KCNN2: variants seen among roughly 807,000 people sequenced by gnomAD.
KCNN2 encodes potassium calcium-activated channel subfamily N member 2, also known as small conductance calcium-activated potassium channel protein 2.
In KCNN2, 24 loss-of-function variants were observed where a neutral mutation model predicts 55.5. The observed-to-expected ratio is 0.43, with a 90% CI of 0.31 to 0.61. The LOEUF is 0.61. KCNN2 is among the 20% of genes least tolerant of loss of function. KCNN2 has a pLI of 0.08. For missense variants in KCNN2, 754 were observed against 853.6 expected (o/e 0.88, Z 1.45); for synonymous variants, 431 against 336.1 (o/e 1.28, Z -3.09).
upstream of KCNN2, among the ~76,000 whole-genome samples, chr5:114,357,500 C>T (rs2150042415): frequency 8.0e-6 from 1 of 124,750 alleles, no homozygotes; most frequent in East Asian, 2.5e-4. Context: ...CTTCCTGTGT[C>T]CATGTGATCT....
rs973746037 is a variant in KCNN2, at chr5:114,463,293, T to G, written c.1779+103T>G. On this transcript the variant is annotated intron_variant, in intron 4 of 7. Coordinates refer to ENST00000673685, the MANE Select transcript of KCNN2 (RefSeq NM_021614.4). ...TAATTGTGAGCTACTTCTTTTCCCA[T>G]CAGCAGGAAATCAGTATAAATAAAT... The G allele has an allele frequency of 1.8e-5, 16 of 866,708 alleles. No individual in the cohort carries two copies. The African/African-American group carries it at 2.8e-4, about 15-fold the overall frequency. The allele number at this position is 866,708 out of a possible 1,614,324, so 53.7% of individuals were successfully genotyped here.
intron 2 of KCNN2, among the ~76,000 whole-genome samples, chr5:114,340,885 G>A (rs1757003882): frequency 6.6e-6 from 1 of 152,134 alleles, no homozygotes; most frequent in South Asian, 2.1e-4. Context: ...CTACTCTTCT[G>A]TTTATGAGTT....
intron 1 of KCNN2, among the ~76,000 whole-genome samples, chr5:114,074,463 A>G (rs946732784): frequency 6.6e-6 from 1 of 152,244 alleles, no homozygotes; most frequent in African/African-American, 2.4e-5. Flanking sequence ...CAGGCAAAGT[A>G]GAGGAAAACA....
chr5:114,180,860 A>T (rs1174511165), intron 1 of KCNN2, among the ~76,000 whole-genome samples: 1 of 152,132 alleles, frequency 6.6e-6, no homozygotes, highest in Non-Finnish European at 1.5e-5. Flanking sequence ...CTGTTCTAGA[A>T]CTTCATATCA....
At chr5:114,352,139 T>C (rs1273580585) in intron 2 of KCNN2, among the ~76,000 whole-genome samples, 1 of 151,820 alleles carries the variant, frequency 6.6e-6, no homozygotes, top group Non-Finnish European at 1.5e-5. Context: ...TTCTACTTAA[T>C]CACGGTCAGT....
intron 2 of KCNN2, among the ~76,000 whole-genome samples, chr5:114,329,230 A>C (rs1756763632): frequency 6.6e-6 from 1 of 152,188 alleles, no homozygotes; most frequent in South Asian, 2.1e-4. Context: ...CGTGATGGTT[A>C]ATATTGAGTG....
intron 1 of KCNN2, among the ~76,000 whole-genome samples, chr5:114,115,790 A>G (rs58924511): frequency 0.23 from 35,161 of 151,918 alleles, 4,139 homozygotes; most frequent in East Asian, 0.34. Context: ...GGTGTTTGAT[A>G]CTAGATTTGC....
intron 2 of KCNN2, among the ~76,000 whole-genome samples, chr5:114,292,631 T>C (rs377059587): frequency 2.6e-5 from 4 of 152,108 alleles, no homozygotes; most frequent in African/African-American, 9.7e-5. Flanking sequence ...AGCGTGATGC[T>C]TCCAGCTTTG....
chr5:114,459,287 G>T (rs1330826281), intron 3 of KCNN2, among the ~76,000 whole-genome samples: 3 of 152,152 alleles, frequency 2.0e-5, no homozygotes, highest in African/African-American at 7.2e-5. Flanking sequence ...CTTATTGAAT[G>T]TGTTTTTATT....
chr5:114,140,529 T>C (rs899262737), intron 1 of KCNN2, among the ~76,000 whole-genome samples: 1 of 152,130 alleles, frequency 6.6e-6, no homozygotes, highest in Non-Finnish European at 1.5e-5. Flanking sequence ...GCACTTAGCA[T>C]TTTACCACCT....
chr5:114,259,435 C>T (rs552355295), intron 2 of KCNN2, among the ~76,000 whole-genome samples: 1 of 152,264 alleles, frequency 6.6e-6, no homozygotes, highest in African/African-American at 2.4e-5. Flanking sequence ...GTAGGGTGCC[C>T]TGCCACTGCC....
intron 5 of KCNN2, among the ~76,000 whole-genome samples, chr5:114,484,565 A>G (rs954486787): frequency 6.6e-6 from 1 of 152,164 alleles, no homozygotes; most frequent in Admixed American, 6.6e-5. Context: ...TCAAATGTGG[A>G]AAACAATGAG....
intron 2 of KCNN2, among the ~76,000 whole-genome samples, chr5:114,372,315 G>A (rs1039541697): frequency 2.0e-5 from 3 of 152,128 alleles, no homozygotes; most frequent in African/African-American, 4.8e-5. Context: ...TTTAGAAGTA[G>A]GCCCTTTTTG....
rs75576421 is a variant in KCNN2, at chr5:114,183,200, A to G, written c.-270-38280A>G. 8.4e-4 allele frequency among the ~76,000 whole-genome samples: 128 copies of G among 152,216 alleles called. 2 individuals carry two copies. The East Asian group carries it at 0.022, about 27-fold the overall frequency. On this transcript the variant is annotated intron_variant, in intron 1 of 10. Coordinates refer to the KCNN2 transcript ENST00000512097. ...TGATTTATTTTTAAGTGTTACATCCATCTGGCATTTCTGGAATAAACCTCA... is the reference window on the plus strand; with the variant it reads ...TGATTTATTTTTAAGTGTTACATCCGTCTGGCATTTCTGGAATAAACCTCA...
intron 2 of KCNN2, among the ~76,000 whole-genome samples, chr5:114,224,308 A>G (rs1425883449): frequency 2.0e-5 from 3 of 152,212 alleles, no homozygotes; most frequent in Non-Finnish European, 4.4e-5. Context: ...TATGTTCAAT[A>G]CTTTTGGTTT....
chr5:114,148,861 A>C (rs1752458449), intron 1 of KCNN2, among the ~76,000 whole-genome samples: 1 of 152,052 alleles, frequency 6.6e-6, no homozygotes, highest in Non-Finnish European at 1.5e-5. Flanking sequence ...TACTCGAGGT[A>C]CAGGGAGCGG....
chr5:114,201,187 G>A (rs6594798), intron 1 of KCNN2, among the ~76,000 whole-genome samples: 31,002 of 151,936 alleles, frequency 0.2, 3,599 homozygotes, highest in South Asian at 0.31. Flanking sequence ...CTAATCCTAA[G>A]TCCCACAGCT....
intron 1 of KCNN2, among the ~76,000 whole-genome samples, chr5:114,164,921 T>C (rs1423632261): frequency 1.3e-5 from 2 of 152,208 alleles, no homozygotes; most frequent in Non-Finnish European, 2.9e-5. Context: ...TTAAGTTTTT[T>C]GCACGTAATA....
At chr5:114,064,479 C>G (rs1750398344) in intron 1 of KCNN2, among the ~76,000 whole-genome samples, 1 of 152,174 alleles carries the variant, frequency 6.6e-6, no homozygotes, top group Non-Finnish European at 1.5e-5. Flanking sequence ...GGAGAGCCAC[C>G]ATGTGAGACA....
Sources: allele counts gnomAD v4.1 joint callset (sites outside exome capture counted in the v4.1 genomes callset), GRCh38; gene constraint gnomAD v4.1.1; transcripts MANE v1.5; gene names NCBI Gene and HGNC (gene_info 2026-07-23, HGNC 2026-07-21).